LPP: variants seen among roughly 807,000 people sequenced by gnomAD.
The protein encoded by LPP is LIM domain containing preferred translocation partner in lipoma.
Under a neutral mutation model 60.4 loss-of-function variants are expected in LPP, and 38 were observed. That is an observed-to-expected ratio of 0.63 (90% CI 0.49 to 0.83). The LOEUF is 0.83. LPP is among the 40% of genes least tolerant of loss of function. The pLI is 0.00. For missense variants in LPP, 902 were observed against 783.6 expected (o/e 1.15, Z -1.80); for synonymous variants, 328 against 290.8 (o/e 1.13, Z -1.30).
chr3:188,242,633 C>G (rs1306240309), intron 2 of LPP, among the ~76,000 whole-genome samples: 1 of 152,178 alleles, frequency 6.6e-6, no homozygotes, highest in African/African-American at 2.4e-5. Context: ...TGTGAAATCA[C>G]TTCTCCTTTC....
At chr3:188,761,877 C>T (rs1010505760) in intron 9 of LPP, among the ~76,000 whole-genome samples, 4 of 151,960 alleles carry the variant, frequency 2.6e-5, no homozygotes, top group African/African-American at 4.8e-5. Flanking sequence ...CAGACTAAAC[C>T]GGGTGTCATT....
At chr3:188,493,343 T>G (rs1482048675) in intron 5 of LPP, among the ~76,000 whole-genome samples, 1 of 152,188 alleles carries the variant, frequency 6.6e-6, no homozygotes, top group African/African-American at 2.4e-5. Context: ...TCTTGTTTGG[T>G]CTATAGGCTT....
At chr3:188,624,810 CTCT>C (rs1846508981) in intron 7 of LPP, among the ~76,000 whole-genome samples, 3 of 147,232 alleles carry the variant, frequency 2.0e-5, no homozygotes, top group African/African-American at 2.5e-5. Flanking sequence ...TTCCTTCCTT[CTCT>C]CTCTTTCTCT....
intron 5 of LPP, among the ~76,000 whole-genome samples, chr3:188,505,184 C>G (rs1813098258): frequency 6.6e-6 from 1 of 152,164 alleles, no homozygotes; most frequent in Admixed American, 6.5e-5. Flanking sequence ...TAGATGGTGG[C>G]AGTGCAATCG....
At chr3:188,354,007 G>T (rs1045432091) in intron 3 of LPP, among the ~76,000 whole-genome samples, 1 of 151,358 alleles carries the variant, frequency 6.6e-6, no homozygotes, top group Non-Finnish European at 1.5e-5. Context: ...ATTTTTAAAT[G>T]CTACAGCTAA....
rs139630659 is a variant in LPP, at chr3:188,406,767, G to A, written c.193+454G>A. Among the ~76,000 whole-genome samples, 63 of 152,280 alleles carry A rather than the reference G, an allele frequency of 4.1e-4. No individual in the cohort carries two copies. The East Asian group carries it at 0.01, about 24-fold the overall frequency. Reference sequence around the variant, plus strand: ...GTGCATGGAATTGTTTACCTCCTCTGGCTGTTTTTCTTCCCTTAGGCTGCT... The same window carrying A: ...GTGCATGGAATTGTTTACCTCCTCTAGCTGTTTTTCTTCCCTTAGGCTGCT... On this transcript the variant is annotated intron_variant, in intron 4 of 11. Transcript: ENST00000617246.
chr3:188,759,593 G>A (rs922928301), intron 8 of LPP: 1 of 155,530 alleles, frequency 6.4e-6, no homozygotes, highest in African/African-American at 2.4e-5. Flanking sequence ...ACTGCCTTGG[G>A]ATCTGCCTGT....
chr3:188,244,836 C>T (rs1056416266), intron 2 of LPP, among the ~76,000 whole-genome samples: 1 of 152,154 alleles, frequency 6.6e-6, no homozygotes, highest in African/African-American at 2.4e-5. Flanking sequence ...CAGCCATGTC[C>T]TGCTCATTTC....
chr3:188,736,080 C>T (rs1055296324), intron 8 of LPP, among the ~76,000 whole-genome samples: 7 of 152,122 alleles, frequency 4.6e-5, no homozygotes, highest in South Asian at 2.1e-4. Flanking sequence ...TTAAATGATA[C>T]GCACAGTCCA....
At chr3:188,334,422 C>CTTTTTTTTTTTTTT (rs71167095) in intron 2 of LPP, among the ~76,000 whole-genome samples, 1 of 98,676 alleles carries the variant, frequency 1.0e-5, no homozygotes, top group African/African-American at 4.0e-5. Context: ...ATATTTCTTT[C>CTTTTTTTTTTTTTT]TTTTTTTTTT....
chr3:188,828,201 A>G (rs1274680872), intron 9 of LPP, among the ~76,000 whole-genome samples: 1 of 152,102 alleles, frequency 6.6e-6, no homozygotes, highest in East Asian at 1.9e-4. Context: ...ATTATATAGA[A>G]TATTGGAAGG....
At chr3:188,686,482 A>G (rs1432807430) in intron 7 of LPP, among the ~76,000 whole-genome samples, 23 of 152,226 alleles carry the variant, frequency 1.5e-4, no homozygotes, top group Admixed American at 1.5e-3. Context: ...GTGATACTCC[A>G]GAGAGTGAAA....
rs10609191 is a variant in LPP at position 188,252,170 on chromosome 3, CATATATATATATAT to C, written c.-67+26666_-67+26679del. 9.8e-3 allele frequency among the ~76,000 whole-genome samples: 998 copies of C among 101,888 alleles called. 22 individuals carry two copies. The East Asian group carries it at 0.11, about 11-fold the overall frequency. 66.8% of individuals were successfully genotyped at this position (101,888 alleles called of 152,430 possible). ...CCTGTAATGCCCCTTCTTCCCCAAA[CATATATATATATAT>C]ATATATATATATATATATATATGTT... is the stretch of plus-strand genomic sequence containing the variant. On this transcript the variant is annotated intron_variant, in intron 2 of 11. Transcript: ENST00000617246.
intron 2 of LPP, among the ~76,000 whole-genome samples, chr3:188,254,752 G>A (rs1467255651): frequency 6.6e-6 from 1 of 152,178 alleles, no homozygotes; most frequent in Non-Finnish European, 1.5e-5. Context: ...TCGGGTGAAA[G>A]ATGTGGCATG....
chr3:188,741,242 T>C (rs1040294429), intron 8 of LPP, among the ~76,000 whole-genome samples: 8 of 151,760 alleles, frequency 5.3e-5, no homozygotes, highest in Non-Finnish European at 7.4e-5. Flanking sequence ...TTCCTTTGAA[T>C]TGGGGGGGGA....
At chr3:188,859,904 T>C (rs7628823) in intron 9 of LPP, among the ~76,000 whole-genome samples, 24,163 of 152,156 alleles carry the variant, frequency 0.16, 2,118 homozygotes, top group Non-Finnish European at 0.18. Context: ...AAAACTTTCA[T>C]CTGTAAAAGA....
chr3:188,843,742 G>T (rs1033389895), intron 9 of LPP, among the ~76,000 whole-genome samples: 4 of 132,418 alleles, frequency 3.0e-5, no homozygotes, highest in Non-Finnish European at 6.2e-5. Context: ...AGCCGAGATC[G>T]CGCCACTGCA....
At chr3:188,713,464 A>G (rs148227546) in intron 8 of LPP, among the ~76,000 whole-genome samples, 35 of 152,250 alleles carry the variant, frequency 2.3e-4, no homozygotes, top group Admixed American at 5.2e-4. Flanking sequence ...TAGATAATAC[A>G]TCAATGTTAA....
In LPP at chr3:188,687,775, C is replaced by CTTTTTTTTTTTTT. The variant is rs61574227; in HGVS notation, c.1114-20487_1114-20475dup. Among the ~76,000 whole-genome samples the CTTTTTTTTTTTTT allele has an allele frequency of 4.3e-3, 549 of 127,042 alleles. 15 individuals are homozygous for CTTTTTTTTTTTTT. The highest frequency in any genetic ancestry group is 9.5e-3 in the Middle Eastern group (2 of 210). 83.3% of individuals were successfully genotyped at this position (127,042 alleles called of 152,430 possible). A position where few individuals can be genotyped will look rare whatever the true frequency, so the allele number is the denominator to read the frequency against. Reference sequence around the variant, plus strand: ...CCTGTCTAACCAGCTGTCTTATACTCTTTTTTTTTTTTTTTTTGAGATGAA... The same window carrying CTTTTTTTTTTTTT: ...CCTGTCTAACCAGCTGTCTTATACTCTTTTTTTTTTTTTTTTTTTTTTTTTTTTTTGAGATGAA... On this transcript the variant is annotated intron_variant, in intron 7 of 11. Coordinates refer to ENST00000617246, the MANE Select transcript of LPP (RefSeq NM_001375462.1).
Sources: gnomAD v4.1 joint callset for allele counts (sites outside exome capture counted in the v4.1 genomes callset) on GRCh38, gnomAD v4.1.1 for gene constraint, MANE v1.5 for transcripts, NCBI Gene and HGNC (gene_info 2026-07-23, HGNC 2026-07-21) for gene names.